The following LOXL1 variants were observed in gnomAD, a reference collection of about 807,000 sequenced individuals.
LOXL1 encodes lysyl oxidase homolog 1.
In LOXL1, 31 loss-of-function variants were observed where a neutral mutation model predicts 62.2. The observed-to-expected ratio is 0.50, with a 90% CI of 0.37 to 0.67. The LOEUF (loss-of-function observed/expected upper bound fraction) is 0.67. LOXL1 is among the 30% of genes least tolerant of loss of function. The probability of loss-of-function intolerance (pLI) is 0.00; values close to 1 mark genes in which losing one functional copy is unlikely to be tolerated. For synonymous variants in LOXL1, 403 were observed against 384.4 expected (o/e 1.05, Z -0.56); for missense variants, 775 against 843.4 (o/e 0.92, Z 1.00).
intron 2 of LOXL1, among the ~76,000 whole-genome samples, chr15:73,943,244 G>A (rs1166017760): frequency 6.6e-6 from 1 of 152,234 alleles, no homozygotes; most frequent in Non-Finnish European, 1.5e-5. Flanking sequence ...TATGAGCCCT[G>A]AAGGCATGGG....
At chr15:73,929,750 G>A (rs372741341) in intron 1 of LOXL1, among the ~76,000 whole-genome samples, 1 of 152,208 alleles carries the variant, frequency 6.6e-6, no homozygotes, top group Admixed American at 6.5e-5. Context: ...TACCTAGAGG[G>A]TGCTAAACTT....
rs369418389 is a variant in LOXL1 at position 73,929,035 on chromosome 15, A to G, written c.1102+1150A>G. Among the ~76,000 whole-genome samples, 37 of 152,312 alleles carry G rather than the reference A, an allele frequency of 2.4e-4. No homozygotes were observed. The East Asian group carries it at 5.2e-3, about 21-fold the overall frequency. ...CTCTGCACATGAGGACACAGTGGAA[A>G]GGCAGCTTCCACACATGCTGTTAGC... On this transcript the variant is annotated intron_variant, in intron 1 of 6. Coordinates refer to ENST00000261921, the MANE Select transcript of LOXL1 (RefSeq NM_005576.4).
rs1295557606 is a variant in LOXL1 at position 73,927,531 on chromosome 15, G to A, written c.748G>A (p.Gly250Ser). The change falls in exon 1 of 7, where the codon GGC (glycine) becomes AGC (serine). Residue 250 changes from glycine (G) to serine (S), a missense_variant. Coordinates refer to ENST00000261921, the MANE Select transcript of LOXL1 (RefSeq NM_005576.4). ...AGAGCTGCCCGAGTACCCGCCTCAG[G>A]GCTTCTACCCGGCCCCCGAGAGGCC... ...GEELPEYPPQ[G>S]FYPAPERPYV... The A allele has an allele frequency of 5.3e-6, 8 of 1,496,080 alleles. No homozygotes were observed. Among genetic ancestry groups the A allele is most frequent in the Admixed American group, 2.2e-5 (1 of 45,550 alleles). 92.7% of individuals were successfully genotyped at this position (1,496,080 alleles called of 1,614,324 possible).
Position 73,926,666 on chromosome 15 carries a change from G to C in LOXL1, c.-118G>C. 8.3e-7 allele frequency: 1 copy of C among 1,209,674 alleles called. No homozygotes were observed. The highest frequency in any genetic ancestry group is 1.1e-6 in the Non-Finnish European group (1 of 927,048). 74.9% of individuals were successfully genotyped at this position (1,209,674 alleles called of 1,614,324 possible). A position where few individuals can be genotyped will look rare whatever the true frequency, so the allele number is the denominator to read the frequency against. ...TCGGGACAAGGCCAGCATGGACAAA[G>C]CTAGAGCTGGGGCAAGCAAGGAGCC... On this transcript the variant is annotated 5_prime_UTR_variant, in exon 1 of 7. Transcript: ENST00000261921.
intron 6 of LOXL1, among the ~76,000 whole-genome samples, chr15:73,950,099 C>T (rs2141639257): frequency 6.6e-6 from 1 of 152,184 alleles, no homozygotes; most frequent in Admixed American, 6.5e-5. Flanking sequence ...TCAAAGGAGC[C>T]ATCTTCAGTC....
chr15:73,935,671 T>A (rs921744173), intron 1 of LOXL1, among the ~76,000 whole-genome samples: 2 of 152,164 alleles, frequency 1.3e-5, no homozygotes, highest in Non-Finnish European at 2.9e-5. Context: ...AGGCTTGGCC[T>A]CTGAGCAGGG....
rs534579793 is a variant in LOXL1, at chr15:73,951,972, G to A, written c.*135G>A. The A allele has an allele frequency of 4.3e-5, 28 of 645,730 alleles. No individual in the cohort carries two copies. The highest frequency in any genetic ancestry group is 3.0e-4 in the African/African-American group (16 of 53,330). 40.0% of individuals were successfully genotyped at this position (645,730 alleles called of 1,614,324 possible). A position where few individuals can be genotyped will look rare whatever the true frequency, so the allele number is the denominator to read the frequency against. ...TCCCTCCCTGCCGGCCTCAGGGAGC[G>A]AACGTGGATGAAAACCACAGGGATT... On this transcript the variant is annotated 3_prime_UTR_variant, in exon 7 of 7. Coordinates refer to ENST00000261921, the MANE Select transcript of LOXL1 (RefSeq NM_005576.4).
chr15:73,934,396 G>A (rs2068655923), intron 1 of LOXL1, among the ~76,000 whole-genome samples: 1 of 152,186 alleles, frequency 6.6e-6, no homozygotes, highest in African/African-American at 2.4e-5. Flanking sequence ...GTCTCAGCCT[G>A]GCAGTGAGAA....
At chr15:73,928,896 C>T (rs960284040) in intron 1 of LOXL1, among the ~76,000 whole-genome samples, 2 of 151,786 alleles carry the variant, frequency 1.3e-5, no homozygotes, top group Admixed American at 6.6e-5. Flanking sequence ...ACCTCACTGG[C>T]CTCATTCCCC....
intron 4 of LOXL1, chr15:73,947,486 T>C: frequency 2.0e-6 from 1 of 506,676 alleles, no homozygotes. Flanking sequence ...GAGCAACACG[T>C]CCTATTGGCC....
In LOXL1 at chr15:73,926,569, G is replaced by A; in HGVS notation, c.-215G>A. 1 of 465,632 alleles carries A rather than the reference G, an allele frequency of 2.1e-6. No homozygotes were observed. The allele number at this position is 465,632 out of a possible 1,614,324, so 28.8% of individuals were successfully genotyped here. ...GGTGCCCTGCGGAGAGCCTCGTGCA[G>A]CCCTGGGCACCGCCCCTGCCCTGCC... On this transcript the variant is annotated 5_prime_UTR_variant, in exon 1 of 7. Transcript: ENST00000261921.
chr15:73,927,840 C>A lies in LOXL1; in HGVS notation c.1057C>A (p.Arg353Ser), dbSNP rs1158914761. Reference protein sequence around the residue: ...GGERNGAQQGRLSVGSVYRPN... With the variant: ...GGERNGAQQGSLSVGSVYRPN... ...GGAGCGGAACGGCGCGCAGCAGGGC[C>A]GCCTCAGCGTGGGCAGCGTGTACCG... Residue 353 changes from arginine to serine, a missense_variant, in exon 1 of 7, where the codon CGC becomes AGC. Transcript: ENST00000261921. 7.5e-7 allele frequency: 1 copy of A among 1,341,992 alleles called. No individual in the cohort carries two copies. Among genetic ancestry groups the A allele is most frequent in the Non-Finnish European group, 9.5e-7 (1 of 1,054,984 alleles). 83.1% of individuals were successfully genotyped at this position (1,341,992 alleles called of 1,614,324 possible). A position where few individuals can be genotyped will look rare whatever the true frequency, so the allele number is the denominator to read the frequency against.
chr15:73,929,286 T>C (rs2068618844), intron 1 of LOXL1, among the ~76,000 whole-genome samples: 1 of 152,224 alleles, frequency 6.6e-6, no homozygotes, highest in African/African-American at 2.4e-5. Context: ...CTGCTCCCCA[T>C]TGAGGTTGCT....
In LOXL1 at chr15:73,927,269, C is replaced by T; in HGVS notation, c.486C>T (p.Ala162=). 1.2e-6 allele frequency: 2 copies of T among 1,602,432 alleles called. No homozygotes were observed. Among genetic ancestry groups the T allele is most frequent in the Non-Finnish European group, 1.7e-6 (2 of 1,177,676 alleles). Residue 162 remains alanine, a synonymous_variant, in exon 1 of 7, where the codon GCC becomes GCT. Transcript: ENST00000261921. ...CCGCCTCCTCGGTCTCGGCTTCGGC[C>T]TTCGCCAGCACCTACCGCCAGCAGC... is the stretch of plus-strand genomic sequence containing the variant. The part of the protein sequence containing the change: ...GGSASSVSAS[A]FASTYRQQPS...
chr15:73,927,152 G>A lies in LOXL1; in HGVS notation c.369G>A (p.Gln123=), dbSNP rs760614195. ...CGCGGCACCCATTCGGCTTTGGCCA[G>A]GTGCCCGACAACTGGCGCGAGGTGG... ...GQARHPFGFG[Q]VPDNWREVAV... Residue 123 remains glutamine (Q), a synonymous_variant, in exon 1 of 7, where the codon CAG becomes CAA. Transcript: ENST00000261921. 2.0e-6 allele frequency: 3 copies of A among 1,512,422 alleles called. No homozygotes were observed. The Admixed American group carries it at 6.0e-5, about 30-fold the overall frequency. 93.7% of individuals were successfully genotyped at this position (1,512,422 alleles called of 1,614,324 possible).
In LOXL1 at chr15:73,927,849, G is replaced by A. The variant is rs1359772238; in HGVS notation, c.1066G>A (p.Val356Met). 1.5e-6 allele frequency: 2 copies of A among 1,337,028 alleles called. No homozygotes were observed. Among genetic ancestry groups the A allele is most frequent in the African/African-American group, 1.5e-5 (1 of 64,984 alleles). 82.8% of individuals were successfully genotyped at this position (1,337,028 alleles called of 1,614,324 possible). ...RNGAQQGRLS[V>M]GSVYRPNQNG... ...CGGCGCGCAGCAGGGCCGCCTCAGCGTGGGCAGCGTGTACCGGCCCAACCA... is the reference window on the plus strand; with the variant it reads ...CGGCGCGCAGCAGGGCCGCCTCAGCATGGGCAGCGTGTACCGGCCCAACCA... The change falls in exon 1 of 7, where the codon GTG (valine) becomes ATG (methionine). Residue 356 changes from valine to methionine, a missense_variant. Coordinates refer to ENST00000261921, the MANE Select transcript of LOXL1 (RefSeq NM_005576.4).
At chr15:73,950,218 T>C (rs1346321727) in intron 6 of LOXL1, among the ~76,000 whole-genome samples, 1 of 151,734 alleles carries the variant, frequency 6.6e-6, no homozygotes, top group Non-Finnish European at 1.5e-5. Context: ...GTGAAGTAGT[T>C]TGCAGAGGGA....
intron 1 of LOXL1, among the ~76,000 whole-genome samples, chr15:73,935,435 G>A (rs534353272): frequency 6.6e-6 from 1 of 152,290 alleles, no homozygotes; most frequent in South Asian, 2.1e-4. Context: ...AGATGGGAAG[G>A]CTGTGGGCAG....
chr15:73,949,619 C>A, intron 6 of LOXL1, 45 bp downstream of exon 6: 1 of 1,411,822 alleles, frequency 7.1e-7, no homozygotes, highest in Non-Finnish European at 1.0e-6. Flanking sequence ...CCCTTTCCTG[C>A]CTGGGGAGCA....
Sources: gnomAD v4.1 joint callset for allele counts (sites outside exome capture counted in the v4.1 genomes callset) on GRCh38, gnomAD v4.1.1 for gene constraint, MANE v1.5 for transcripts, NCBI Gene and HGNC (gene_info 2026-07-23, HGNC 2026-07-21) for gene names.